The following NWD1 variants were observed in gnomAD, a reference collection of about 807,000 sequenced individuals.
The protein encoded by NWD1 is NACHT and WD repeat domain containing 1.
In NWD1, 129 loss-of-function variants were observed where a neutral mutation model predicts 135.1. The ratio of observed to expected loss-of-function variants is 0.96; its 90% CI spans 0.83 to 1.11. NWD1 has a LOEUF of 1.11. Among genes scored for constraint, NWD1 ranks in the 50% least tolerant of loss-of-function variants. The pLI, the probability that NWD1 is intolerant of heterozygous loss-of-function variation, is 0.00. For synonymous variants in NWD1, 773 were observed against 786.0 expected, an observed-to-expected ratio of 0.98 and a Z score of 0.28; for missense variants, 1,740 against 1,851.3, an observed-to-expected ratio of 0.94 and a Z score of 1.10.
rs755485664 is a variant in NWD1, at chr19:16,773,302, A to G, written c.2587A>G (p.Thr863Ala). 8.1e-6 allele frequency: 13 copies of G among 1,612,450 alleles called. No individual in the cohort carries two copies. In the Admixed American group the frequency reaches 1.3e-4, roughly 17 times the overall value. ...GCCCCCGGGAGGACCCCTCCGGGCA[A>G]CTCTCAGCGGCTGTCACAAAGGTGA... is the stretch of plus-strand genomic sequence containing the variant. ...LQPPGGPLRA[T>A]LSGCHKGITA... Residue 863 changes from threonine to alanine, a missense_variant, in exon 11 of 19, where the codon ACT (threonine) becomes GCT (alanine). Thr to Ala is a moderately conservative substitution (Grantham distance 58). Coordinates refer to ENST00000524140, the MANE Select transcript of NWD1 (RefSeq NM_001007525.5).
At chr19:16,811,875 G>T (rs911693682) in intron 18 of NWD1, among the ~76,000 whole-genome samples, 1 of 151,980 alleles carries the variant, frequency 6.6e-6, no homozygotes, top group Non-Finnish European at 1.5e-5. Context: ...AATTAGTTGG[G>T]CATGGTGGCA....
intron 17 of NWD1, among the ~76,000 whole-genome samples, chr19:16,804,141 C>T (rs2608725): frequency 0.12 from 18,182 of 151,758 alleles, 2,144 homozygotes; most frequent in African/African-American, 0.3. Context: ...ATGGGGCTGG[C>T]GGGGGAAAGG....
chr19:16,793,106 C>G (rs566483091), intron 14 of NWD1, among the ~76,000 whole-genome samples: 1 of 151,902 alleles, frequency 6.6e-6, no homozygotes, highest in East Asian at 1.9e-4. Flanking sequence ...ATCCCAAATC[C>G]CAAAGCTCCA....
chr19:16,739,702 GTC>G (rs1325676553), intron 4 of NWD1, among the ~76,000 whole-genome samples: 1 of 152,142 alleles, frequency 6.6e-6, no homozygotes, highest in African/African-American at 2.4e-5. Flanking sequence ...TTGGAGAGGT[GTC>G]TCTCTGGTAA....
chr19:16,725,473 G>C (rs574280526), intron 2 of NWD1, among the ~76,000 whole-genome samples: 127 of 152,112 alleles, frequency 8.3e-4, no homozygotes, highest in Non-Finnish European at 1.4e-3. Flanking sequence ...GCAAGACTCT[G>C]TATCACCTAA....
At chr19:16,768,895 A>G (rs773841) in intron 10 of NWD1, among the ~76,000 whole-genome samples, 71,679 of 152,016 alleles carry the variant, frequency 0.47, 19,281 homozygotes, top group African/African-American at 0.74. Context: ...CCATCCTTGA[A>G]CTATCTGCTT....
At chr19:16,805,918 G>A (rs1970734310) in intron 17 of NWD1, among the ~76,000 whole-genome samples, 1 of 151,366 alleles carries the variant, frequency 6.6e-6, no homozygotes, top group South Asian at 2.1e-4. Context: ...GCCCGGGCTG[G>A]AGTGCAGTGG....
intron 18 of NWD1, among the ~76,000 whole-genome samples, chr19:16,813,970 A>G (rs1970998365): frequency 6.6e-6 from 1 of 151,774 alleles, no homozygotes; most frequent in African/African-American, 2.4e-5. Flanking sequence ...TGGACAACAT[A>G]GCGAGACTCT....
intron 1 of NWD1, among the ~76,000 whole-genome samples, chr19:16,720,500 C>G (rs1967096091): frequency 6.6e-6 from 1 of 152,038 alleles, no homozygotes. Flanking sequence ...ATGCATTAGA[C>G]TAGGGGGTTC....
At chr19:16,812,806 T>C (rs1487723806) in intron 18 of NWD1, 1 of 781,110 alleles carries the variant, frequency 1.3e-6, no homozygotes, top group Admixed American at 1.7e-5. Context: ...TATGTGTACG[T>C]GGGCTTAAAG....
chr19:16,741,366 G>A (rs1448031833), intron 4 of NWD1, among the ~76,000 whole-genome samples: 1 of 135,390 alleles, frequency 7.4e-6, no homozygotes, highest in Admixed American at 7.6e-5. Context: ...TTTTGTTTTT[G>A]TGTTTTTTTT....
chr19:16,800,587 A>G (rs536958836), intron 17 of NWD1, among the ~76,000 whole-genome samples: 16 of 152,216 alleles, frequency 1.1e-4, no homozygotes, highest in South Asian at 6.2e-4. Context: ...AGCAAGAAAC[A>G]TTATTCCTCA....
At chr19:16,798,192 T>C (rs149737863) in intron 16 of NWD1, among the ~76,000 whole-genome samples, 55 of 152,276 alleles carry the variant, frequency 3.6e-4, no homozygotes, top group Non-Finnish European at 5.4e-4. Context: ...AGTTCAAAGT[T>C]GTCCAAGCTG....
Position 16,797,892 on chromosome 19 carries a change from G to A in NWD1, c.3459+6G>A. The A allele has an allele frequency of 6.2e-7, 1 of 1,611,670 alleles. No homozygotes were observed. Among genetic ancestry groups the A allele is most frequent in the Non-Finnish European group, 8.5e-7 (1 of 1,178,646 alleles). On this transcript the variant is annotated splice_donor_region_variant and intron_variant, in intron 16 of 18. Transcript: ENST00000524140. ...CCCTTGATGCGCTCATTCAGGTGAG[G>A]GGAGATCTGGGACCCTTCATCCTCA...
In NWD1 at chr19:16,750,242, G is replaced by T; in HGVS notation, c.1600G>T (p.Gly534Trp). The change falls in exon 6 of 19, where the codon GGG (glycine) becomes TGG (tryptophan). Residue 534 changes from glycine (G) to tryptophan (W), a missense_variant. By Grantham distance (184) the Gly-to-Trp change is radical. Transcript: ENST00000524140. ...CAGCCTCCCAGAGTGTGGGAACCCA[G>T]GGCGGCTGAGGCTGGCGTTTGAGGA... ...WASLPECGNPGRLRLAFEEAR... is the reference protein window; with the variant it reads ...WASLPECGNPWRLRLAFEEAR... The T allele has an allele frequency of 2.5e-6, 4 of 1,613,592 alleles. No individual in the cohort carries two copies. The South Asian group carries it at 4.4e-5, about 18-fold the overall frequency.
At position 16,750,399 on chromosome 19, in the gene NWD1, T is replaced by G; in HGVS notation, c.1757T>G (p.Ile586Ser). ...QLLVAHVLGYIVSSRHGLSEA... is the reference protein window; with the variant it reads ...QLLVAHVLGYSVSSRHGLSEA... ...CTCGTGGCCCACGTGCTGGGCTACA[T>G]TGTGTCTTCCCGGTAAGTCTCTGTG... Residue 586 changes from isoleucine (I) to serine (S), a missense_variant, in exon 6 of 19, where the codon ATT becomes AGT. Transcript: ENST00000524140. 1 of 1,564,988 alleles carries G rather than the reference T, an allele frequency of 6.4e-7. No individual in the cohort carries two copies. The highest frequency in any genetic ancestry group is 8.6e-7 in the Non-Finnish European group (1 of 1,157,818).
intron 18 of NWD1, among the ~76,000 whole-genome samples, chr19:16,810,769 A>C (rs908617196): frequency 6.6e-6 from 1 of 152,222 alleles, no homozygotes; most frequent in African/African-American, 2.4e-5. Context: ...TCTCTCGAGC[A>C]AAACTAACTA....
At chr19:16,731,318 T>C (rs1568333901) in intron 3 of NWD1, 40 bp downstream of exon 3, 1 of 1,247,680 alleles carries the variant, frequency 8.0e-7, no homozygotes. Context: ...TTTTTTTATT[T>C]TTTTTTGACA....
intron 3 of NWD1, among the ~76,000 whole-genome samples, chr19:16,734,698 G>A (rs1286980167): frequency 6.6e-6 from 1 of 151,310 alleles, no homozygotes; most frequent in African/African-American, 2.4e-5. Flanking sequence ...AGCCTCTCAA[G>A]TATCTGAGAC....
Sources: gnomAD v4.1 joint callset for allele counts (sites outside exome capture counted in the v4.1 genomes callset) on GRCh38, gnomAD v4.1.1 for gene constraint, MANE v1.5 for transcripts, NCBI Gene and HGNC (gene_info 2026-07-23, HGNC 2026-07-21) for gene names.